RGS7: variants seen among roughly 807,000 people sequenced by gnomAD.
RGS7 encodes regulator of G protein signaling 7.
A neutral mutation model predicts 81.1 loss-of-function variants in RGS7; 27 were observed. The ratio of observed to expected loss-of-function variants is 0.33; its 90% CI spans 0.25 to 0.46. The LOEUF (loss-of-function observed/expected upper bound fraction) is 0.46. Ranked by LOEUF, RGS7 falls within the 20% of genes least tolerant of loss-of-function variation. The pLI is 1.00. For synonymous variants in RGS7, 208 were observed against 207.7 expected (o/e 1.00, Z -0.01); for missense variants, 396 against 607.4 (o/e 0.65, Z 3.66).
intron 2 of RGS7, among the ~76,000 whole-genome samples, chr1:241,210,321 T>C (rs1027939316): frequency 3.9e-5 from 6 of 152,122 alleles, no homozygotes; most frequent in East Asian, 1.9e-4. Flanking sequence ...CGGTAATTTT[T>C]GTATTTTTAG....
At chr1:241,033,284 G>A (rs1392929317) in intron 3 of RGS7, among the ~76,000 whole-genome samples, 1 of 152,192 alleles carries the variant, frequency 6.6e-6, no homozygotes, top group East Asian at 1.9e-4. Flanking sequence ...CCAGGAGGTG[G>A]AGGTTGCAGT....
chr1:240,912,811 A>G (rs1558455763), intron 6 of RGS7, among the ~76,000 whole-genome samples: 1 of 152,256 alleles, frequency 6.6e-6, no homozygotes, highest in East Asian at 1.9e-4. Context: ...TGTATACTAC[A>G]TGAGTAATAA....
intron 3 of RGS7, among the ~76,000 whole-genome samples, chr1:240,991,958 T>C (rs1280692507): frequency 6.6e-6 from 1 of 152,176 alleles, no homozygotes; most frequent in East Asian, 1.9e-4. Flanking sequence ...AAAGAAAATG[T>C]TTATTGATCG....
At position 240,970,323 on chromosome 1, in the gene RGS7, T is replaced by C. The variant is rs150787866; in HGVS notation, c.226+12756A>G. 5.9e-5 allele frequency among the ~76,000 whole-genome samples: 9 copies of C among 152,340 alleles called. No homozygotes were observed. In the East Asian group the frequency reaches 1.7e-3, roughly 29 times the overall value. On this transcript the variant is annotated intron_variant, in intron 4 of 18. Coordinates refer to ENST00000440928, the MANE Select transcript of RGS7 (RefSeq NM_001364886.1). ...CTTTGGCAATGAAAACTTCAACGTA[T>C]GGCCTTCATGAAGACCTTTCAGTAC...
At chr1:241,201,898 T>C (rs1181164541) in intron 2 of RGS7, among the ~76,000 whole-genome samples, 1 of 152,096 alleles carries the variant, frequency 6.6e-6, no homozygotes, top group Non-Finnish European at 1.5e-5. Context: ...AAATAATTTC[T>C]ACAGCTAATT....
chr1:241,295,346 G>A (rs2079354999), intron 2 of RGS7, among the ~76,000 whole-genome samples: 1 of 146,118 alleles, frequency 6.8e-6, no homozygotes, highest in Admixed American at 7.1e-5. Flanking sequence ...CCAGCTACTT[G>A]GGAGGATGAG....
intron 6 of RGS7, among the ~76,000 whole-genome samples, chr1:240,930,303 C>T (rs1346010499): frequency 7.1e-6 from 1 of 140,560 alleles, no homozygotes; most frequent in Non-Finnish European, 1.5e-5. Context: ...TAGGATACTT[C>T]ACAGAACAGT....
rs375341396 is a variant in RGS7 at position 241,258,375 on chromosome 1, T to C, written c.78+97324A>G. Among the ~76,000 whole-genome samples, 62 of 152,192 alleles carry C rather than the reference T, an allele frequency of 4.1e-4. 1 individual carries two copies. The Middle Eastern group carries it at 0.01, about 25-fold the overall frequency. ...TACACATTTCAGGAACGAGAAGTAA[T>C]AGAGGGATTTTTATTGGCAGAACTT... On this transcript the variant is annotated intron_variant, in intron 2 of 18. Transcript: ENST00000440928.
intron 3 of RGS7, among the ~76,000 whole-genome samples, chr1:241,082,585 T>A (rs2063196861): frequency 6.6e-6 from 1 of 152,118 alleles, no homozygotes; most frequent in Non-Finnish European, 1.5e-5. Flanking sequence ...TGAGGGGTGA[T>A]AAAGCGAAGT....
intron 2 of RGS7, among the ~76,000 whole-genome samples, chr1:241,229,286 T>G (rs1449156730): frequency 1.3e-5 from 2 of 152,122 alleles, no homozygotes; most frequent in Non-Finnish European, 2.9e-5. Context: ...ATGCCAGCAC[T>G]TTGCAGCTAG....
chr1:241,293,482 C>CT (rs1374340304), intron 2 of RGS7, among the ~76,000 whole-genome samples: 2 of 152,072 alleles, frequency 1.3e-5, no homozygotes, highest in African/African-American at 2.4e-5. Context: ...CTATTACTGC[C>CT]TCTGAAGACC....
chr1:241,139,295 TTTCC>T (rs140713971), intron 2 of RGS7, among the ~76,000 whole-genome samples: 18,409 of 150,136 alleles, frequency 0.12, 1,228 homozygotes, highest in Middle Eastern at 0.17. Flanking sequence ...TCCTTCCTTC[TTTCC>T]TTCCTTCCTT....
Position 241,311,452 on chromosome 1 carries a change from CT to C in RGS7, c.78+44246del, listed in dbSNP as rs141614007. The stretch of plus-strand genomic sequence containing the variant: ...ACATTGTTTCTATCCTGACAAAGAC[CT>C]GAAAGTTGGCTCATGGAAGTGAGCA... On this transcript the variant is annotated intron_variant, in intron 2 of 18. Transcript: ENST00000440928. 4.4e-3 allele frequency among the ~76,000 whole-genome samples: 674 copies of C among 152,272 alleles called. 8 individuals are homozygous for C. The highest frequency in any genetic ancestry group is 0.014 in the African/African-American group (589 of 41,548).
chr1:241,003,459 TCAAA>T (rs1558582905), intron 3 of RGS7, among the ~76,000 whole-genome samples: 1 of 57,656 alleles, frequency 1.7e-5, no homozygotes, highest in African/African-American at 6.9e-5. Context: ...AGACTCCGTC[TCAAA>T]AAAAAAAAAA....
At chr1:241,039,130 C>T (rs932398718) in intron 3 of RGS7, among the ~76,000 whole-genome samples, 6 of 152,012 alleles carry the variant, frequency 3.9e-5, no homozygotes, top group African/African-American at 1.4e-4. Flanking sequence ...CAACAGATTT[C>T]CCCCATTTCT....
At chr1:240,797,201 G>A (rs367779075) in intron 18 of RGS7, among the ~76,000 whole-genome samples, 3 of 152,304 alleles carry the variant, frequency 2.0e-5, no homozygotes, top group South Asian at 4.1e-4. Flanking sequence ...AAGACAGAAG[G>A]TGAGTCACAC....
chr1:240,944,201 C>T (rs1391348002), intron 4 of RGS7, among the ~76,000 whole-genome samples: 2 of 147,608 alleles, frequency 1.4e-5, no homozygotes, highest in Non-Finnish European at 3.0e-5. Flanking sequence ...ATGTTCATTC[C>T]CCAGATTTAG....
intron 14 of RGS7, 145 bp downstream of exon 14, chr1:240,811,773 C>T: frequency 6.4e-6 from 5 of 775,646 alleles, no homozygotes; most frequent in South Asian, 1.5e-5. Flanking sequence ...ATCTCTTTTC[C>T]CTTCATTAGG....
intron 2 of RGS7, among the ~76,000 whole-genome samples, chr1:241,240,857 G>A (rs751410731): frequency 6.6e-6 from 1 of 152,104 alleles, no homozygotes; most frequent in Non-Finnish European, 1.5e-5. Context: ...TACTCCCTGA[G>A]CCCTTTCTGC....
Sources: allele counts gnomAD v4.1 joint callset (sites outside exome capture counted in the v4.1 genomes callset), GRCh38; gene constraint gnomAD v4.1.1; transcripts MANE v1.5; gene names NCBI Gene and HGNC (gene_info 2026-07-23, HGNC 2026-07-21).